CCNH: variants seen among roughly 807,000 people sequenced by gnomAD.
CCNH encodes cyclin H.
Under a neutral mutation model 41.9 loss-of-function variants are expected in CCNH, and 31 were observed. The observed-to-expected ratio is 0.74, with a 90% CI of 0.56 to 1.00. The LOEUF (loss-of-function observed/expected upper bound fraction) is 1.00, where lower values mean the gene tolerates loss of function less well. Ranked by LOEUF, CCNH falls within the 50% of genes least tolerant of loss-of-function variation. The pLI, the probability that CCNH is intolerant of heterozygous loss-of-function variation, is 0.00. For synonymous variants in CCNH, 138 were observed against 136.1 expected (o/e 1.01, Z -0.10); for missense variants, 362 against 388.4 (o/e 0.93, Z 0.57).
Position 87,369,846 on chromosome 5 carries a change from T to C in CCNH, c.*90+22924A>G, listed in dbSNP as rs749876769. 16 of 1,612,192 alleles carry C rather than the reference T, an allele frequency of 9.9e-6. No individual in the cohort carries two copies. Among genetic ancestry groups the C allele is most frequent in the East Asian group, 4.5e-5 (2 of 44,654 alleles). On this transcript the variant is annotated intron_variant and NMD_transcript_variant, in intron 9 of 9. Coordinates refer to the CCNH transcript ENST00000645953. Reference sequence around the variant, plus strand: ...GTTTTCAGATAGTAGTTCAGCACTTTAGTGAAGAACATTACATCTTTTACT... The same window carrying C: ...GTTTTCAGATAGTAGTTCAGCACTTCAGTGAAGAACATTACATCTTTTACT...
rs114640863 is a variant in CCNH at position 87,359,355 on chromosome 5, G to A, written c.*90+33415C>T. Reference sequence around the variant, plus strand: ...ATCTAAGAACTATCTCTCAGGCTGAGAAAAGGAACACGTAGAGAAGCCTTT... The same window carrying A: ...ATCTAAGAACTATCTCTCAGGCTGAAAAAAGGAACACGTAGAGAAGCCTTT... On this transcript the variant is annotated intron_variant and NMD_transcript_variant, in intron 9 of 9. Transcript: ENST00000645953. Among the ~76,000 whole-genome samples the A allele has an allele frequency of 7.5e-3, 1,139 of 152,280 alleles. 16 individuals are homozygous for A. The highest frequency in any genetic ancestry group is 0.027 in the African/African-American group (1,119 of 41,550).
chr5:87,383,858 T>TA, intron 9 of CCNH: 64 of 1,200,140 alleles, frequency 5.3e-5, no homozygotes, highest in Non-Finnish European at 6.7e-5. Flanking sequence ...TACTCTTAAA[T>TA]CTTTTTTTTT....
chr5:87,377,509 A>G (rs1761407039), upstream of CCNH, among the ~76,000 whole-genome samples: 1 of 151,454 alleles, frequency 6.6e-6, no homozygotes, highest in South Asian at 2.1e-4. Context: ...TTTTTATTTT[A>G]TTTTTTTAGT....
At chr5:87,319,250 G>A (rs1756590934) in intron 9 of CCNH, among the ~76,000 whole-genome samples, 1 of 152,206 alleles carries the variant, frequency 6.6e-6, no homozygotes, top group African/African-American at 2.4e-5. Flanking sequence ...ACCCTTGTGG[G>A]GTCTGGAGGA....
At chr5:87,320,832 T>C (rs16902623) in intron 9 of CCNH, among the ~76,000 whole-genome samples, 10,661 of 152,264 alleles carry the variant, frequency 0.07, 845 homozygotes, top group African/African-American at 0.2. Context: ...AAGCAAAAAT[T>C]GAATGATGAC....
upstream of CCNH, among the ~76,000 whole-genome samples, chr5:87,377,374 A>G (rs1379483421): frequency 2.6e-5 from 4 of 152,194 alleles, no homozygotes; most frequent in African/African-American, 9.6e-5. Context: ...TCAGTCGCCC[A>G]GGCTGCAGTG....
Position 87,367,990 on chromosome 5 carries a change from C to T in CCNH, c.*90+24780G>A, listed in dbSNP as rs144249215. Among the ~76,000 whole-genome samples the T allele has an allele frequency of 2.7e-3, 409 of 151,908 alleles. 5 individuals carry two copies. The highest frequency in any genetic ancestry group is 8.5e-3 in the East Asian group (44 of 5,170). On this transcript the variant is annotated intron_variant and NMD_transcript_variant, in intron 9 of 9. Coordinates refer to the CCNH transcript ENST00000645953. The stretch of plus-strand genomic sequence containing the variant: ...ACTATAAATTAAAAAAAAAATTATC[C>T]TTAGGTTTGTAGTGCTTCATCAATC...
At position 87,338,544 on chromosome 5, in the gene CCNH, T is replaced by TC. The variant is rs1420569066; in HGVS notation, c.*91-19648_*91-19647insG. Among the ~76,000 whole-genome samples, 6 of 137,912 alleles carry TC rather than the reference T, an allele frequency of 4.4e-5. No individual in the cohort carries two copies. In the East Asian group the frequency reaches 1.4e-3, roughly 31 times the overall value. 90.5% of individuals were successfully genotyped at this position (137,912 alleles called of 152,430 possible). On this transcript the variant is annotated intron_variant and NMD_transcript_variant, in intron 9 of 9. Coordinates refer to the CCNH transcript ENST00000645953. The stretch of plus-strand genomic sequence containing the variant: ...ATATATATATATATAAAATTTTTTT[T>TC]TTTTTTAAGTAGAAATGGGGTTTTA...
chr5:87,363,108 C>A (rs1252303864), intron 9 of CCNH, among the ~76,000 whole-genome samples: 2 of 151,822 alleles, frequency 1.3e-5, no homozygotes, highest in African/African-American at 2.4e-5. Context: ...ATGATGAAAT[C>A]TCTGAAGATA....
chr5:87,361,382 A>G (rs1163699072), intron 9 of CCNH, among the ~76,000 whole-genome samples: 1 of 152,212 alleles, frequency 6.6e-6, no homozygotes, highest in Admixed American at 6.5e-5. Context: ...AGTTCCTAGG[A>G]TGATGAAACA....
intron 9 of CCNH, among the ~76,000 whole-genome samples, chr5:87,370,627 GCC>G (rs1190951918): frequency 3.3e-5 from 5 of 152,184 alleles, no homozygotes; most frequent in Admixed American, 3.3e-4. Context: ...GACACTGTAA[GCC>G]AGCCTAGGCA....
At chr5:87,320,533 T>A (rs1280286396) in intron 9 of CCNH, among the ~76,000 whole-genome samples, 1 of 152,136 alleles carries the variant, frequency 6.6e-6, no homozygotes, top group African/African-American at 2.4e-5. Context: ...CATCTTCACA[T>A]GGTGACAGGA....
At chr5:87,349,220 A>G (rs1258057400) in intron 9 of CCNH, 1 of 1,611,804 alleles carries the variant, frequency 6.2e-7, no homozygotes, top group African/African-American at 1.3e-5. Flanking sequence ...ACAGTTGGTC[A>G]AGTCTGCAGT....
chr5:87,398,849 T>G (rs1763169654), intron 7 of CCNH, among the ~76,000 whole-genome samples: 1 of 151,928 alleles, frequency 6.6e-6, no homozygotes, highest in African/African-American at 2.4e-5. Context: ...GGAGGGCGCC[T>G]GTAGTCCCAG....
chr5:87,391,666 T>C (rs968222666), downstream of CCNH: 7 of 233,072 alleles, frequency 3.0e-5, no homozygotes, highest in South Asian at 3.6e-4. Context: ...AACCATTTTA[T>C]AGACTACCAA....
At chr5:87,376,663 TTAG>T (rs1761348008) in exon 1 of CCNH, 1 of 1,424,326 alleles carries the variant, frequency 7.0e-7, no homozygotes, top group Non-Finnish European at 9.8e-7. Context: ...AATTCATAGC[TTAG>T]TAGCACAATG....
intron 9 of CCNH, among the ~76,000 whole-genome samples, chr5:87,319,406 C>T (rs1435874878): frequency 1.3e-5 from 2 of 152,252 alleles, no homozygotes; most frequent in South Asian, 4.1e-4. Flanking sequence ...CCTGCCTGGA[C>T]ATCCAGGCAT....
At chr5:87,403,371 T>G (rs549916452) in intron 5 of CCNH, among the ~76,000 whole-genome samples, 9 of 152,322 alleles carry the variant, frequency 5.9e-5, no homozygotes, top group African/African-American at 2.2e-4. Flanking sequence ...TGAAATAAAT[T>G]CATTTGGACC....
chr5:87,336,449 T>G (rs959029870), intron 9 of CCNH, among the ~76,000 whole-genome samples: 6 of 152,094 alleles, frequency 3.9e-5, no homozygotes, highest in Non-Finnish European at 8.8e-5. Context: ...TATGAGTCTT[T>G]TAAAAAGTTT....
Sources: gnomAD v4.1 joint callset for allele counts (sites outside exome capture counted in the v4.1 genomes callset) on GRCh38, gnomAD v4.1.1 for gene constraint, MANE v1.5 for transcripts, NCBI Gene and HGNC (gene_info 2026-07-23, HGNC 2026-07-21) for gene names.